The following ASTN2 variants were observed in gnomAD, a reference collection of about 807,000 sequenced individuals.
The protein encoded by ASTN2 is astrotactin 2.
A neutral mutation model predicts 139.8 loss-of-function variants in ASTN2; 54 were observed. The ratio of observed to expected loss-of-function variants is 0.39; its 90% CI spans 0.31 to 0.48. ASTN2 has a LOEUF of 0.48. Among genes scored for constraint, ASTN2 ranks in the 20% least tolerant of loss-of-function variants. The probability of loss-of-function intolerance (pLI) is 0.95; values close to 1 mark genes in which losing one functional copy is unlikely to be tolerated. For synonymous variants in ASTN2, 756 were observed against 719.5 expected, an observed-to-expected ratio of 1.05 and a Z score of -0.81; for missense variants, 1,565 against 1,725.1, an observed-to-expected ratio of 0.91 and a Z score of 1.64.
chr9:116,474,201 G>C (rs942031387), intron 20 of ASTN2, among the ~76,000 whole-genome samples: 1 of 152,184 alleles, frequency 6.6e-6, no homozygotes, highest in South Asian at 2.1e-4. Flanking sequence ...ATGGGTGCTT[G>C]AATCTAGTAC....
intron 11 of ASTN2, among the ~76,000 whole-genome samples, chr9:116,847,129 T>C (rs778801601): frequency 1.2e-4 from 18 of 152,044 alleles, no homozygotes; most frequent in Admixed American, 3.3e-4. Flanking sequence ...TTTTGTTTTG[T>C]TTTTTGAGAT....
At chr9:117,377,879 T>C (rs555827293) in intron 1 of ASTN2, among the ~76,000 whole-genome samples, 1 of 152,292 alleles carries the variant, frequency 6.6e-6, no homozygotes, top group Non-Finnish European at 1.5e-5. Context: ...GATTCTGTAT[T>C]GGAGGAAATG....
At chr9:116,800,163 C>T (rs1830806613) in intron 13 of ASTN2, among the ~76,000 whole-genome samples, 1 of 152,146 alleles carries the variant, frequency 6.6e-6, no homozygotes, top group Admixed American at 6.5e-5. Context: ...GTCTTGCACA[C>T]ATTTCCCCCT....
intron 1 of ASTN2, among the ~76,000 whole-genome samples, chr9:117,396,941 CTTTT>C (rs58488186): frequency 6.3e-5 from 7 of 111,144 alleles, no homozygotes; most frequent in Non-Finnish European, 7.5e-5. Context: ...TCCACTCAAG[CTTTT>C]TTTTTTTTTT....
intron 19 of ASTN2, among the ~76,000 whole-genome samples, chr9:116,588,302 G>A (rs1264719592): frequency 6.6e-6 from 1 of 152,188 alleles, no homozygotes; most frequent in Non-Finnish European, 1.5e-5. Context: ...TCTATTGAAA[G>A]ACATGTTTTT....
chr9:116,636,581 C>T (rs1452493654), intron 17 of ASTN2, among the ~76,000 whole-genome samples: 3 of 152,022 alleles, frequency 2.0e-5, no homozygotes, highest in Non-Finnish European at 4.4e-5. Context: ...ACTTGGGAGG[C>T]TGAGGCAGGA....
intron 3 of ASTN2, among the ~76,000 whole-genome samples, chr9:117,200,626 G>T (rs1831677807): frequency 6.6e-6 from 1 of 152,070 alleles, no homozygotes; most frequent in South Asian, 2.1e-4. Context: ...TAATCATGTG[G>T]TTTTTGTCTT....
At chr9:117,125,295 T>C (rs1237386966) in intron 4 of ASTN2, among the ~76,000 whole-genome samples, 2 of 152,200 alleles carry the variant, frequency 1.3e-5, no homozygotes, top group Non-Finnish European at 2.9e-5. Context: ...TAGAAAAATA[T>C]ACACATACAT....
chr9:116,724,365 C>T (rs150021086), intron 16 of ASTN2, among the ~76,000 whole-genome samples: 27 of 152,258 alleles, frequency 1.8e-4, no homozygotes, highest in African/African-American at 6.0e-4. Context: ...TAAACCACCC[C>T]GTGCCCCACA....
chr9:117,103,804 G>C (rs947119773), intron 4 of ASTN2, among the ~76,000 whole-genome samples: 3 of 152,152 alleles, frequency 2.0e-5, no homozygotes, highest in Admixed American at 2.0e-4. Context: ...ACCATCTAGG[G>C]AATACAAATG....
At chr9:116,610,378 G>A (rs1375483333) in intron 19 of ASTN2, among the ~76,000 whole-genome samples, 1 of 152,182 alleles carries the variant, frequency 6.6e-6, no homozygotes, top group East Asian at 1.9e-4. Context: ...GCTGAGGCGG[G>A]TGGATCACCA....
intron 16 of ASTN2, among the ~76,000 whole-genome samples, chr9:116,681,955 A>G (rs1859901711): frequency 6.6e-6 from 1 of 151,842 alleles, no homozygotes; most frequent in African/African-American, 2.4e-5. Context: ...CATTCAGGAC[A>G]TAGGCATGGG....
chr9:117,311,948 G>T (rs1264705102), intron 1 of ASTN2, among the ~76,000 whole-genome samples: 1 of 152,132 alleles, frequency 6.6e-6, no homozygotes, highest in Admixed American at 6.5e-5. Context: ...GACCAGAATA[G>T]CATGGTTAGA....
At chr9:116,482,611 C>T (rs1849207259) in intron 20 of ASTN2, among the ~76,000 whole-genome samples, 1 of 151,988 alleles carries the variant, frequency 6.6e-6, no homozygotes, top group South Asian at 2.1e-4. Flanking sequence ...AAGAACTGAC[C>T]CAACGTACCA....
chr9:117,062,939 C>G (rs577266716), intron 5 of ASTN2, among the ~76,000 whole-genome samples: 1 of 152,258 alleles, frequency 6.6e-6, no homozygotes, highest in Non-Finnish European at 1.5e-5. Flanking sequence ...AGCCTTGGCT[C>G]CAGACTACCA....
At chr9:116,477,295 G>A (rs757642778) in intron 20 of ASTN2, among the ~76,000 whole-genome samples, 3 of 152,064 alleles carry the variant, frequency 2.0e-5, no homozygotes, top group Non-Finnish European at 4.4e-5. Flanking sequence ...CCCTCTCCCA[G>A]GCCCCAACTG....
At chr9:116,887,831 C>G (rs1045357433) in intron 10 of ASTN2, among the ~76,000 whole-genome samples, 2 of 151,980 alleles carry the variant, frequency 1.3e-5, no homozygotes, top group Admixed American at 1.3e-4. Flanking sequence ...CCACATCCAG[C>G]TAAGTTTTAT....
At chr9:116,886,393 G>C (rs1833597265) in intron 10 of ASTN2, among the ~76,000 whole-genome samples, 1 of 152,058 alleles carries the variant, frequency 6.6e-6, no homozygotes, top group Non-Finnish European at 1.5e-5. Context: ...TCTTTTTCTT[G>C]AAACAGGGTC....
chr9:116,613,366 A>G (rs1855655882), intron 19 of ASTN2: 1 of 152,226 alleles, frequency 6.6e-6, no homozygotes, highest in Admixed American at 6.5e-5. Flanking sequence ...ATCCTCCCTA[A>G]TTCATTTTAT....
Sources: allele counts gnomAD v4.1 joint callset (sites outside exome capture counted in the v4.1 genomes callset), GRCh38; gene constraint gnomAD v4.1.1; transcripts MANE v1.5; gene names NCBI Gene and HGNC (gene_info 2026-07-23, HGNC 2026-07-21).